Variants in PLCE1 observed in about 807,000 individuals in gnomAD.
PLCE1 encodes phospholipase C epsilon 1, also known as 1-phosphatidylinositol 4,5-bisphosphate phosphodiesterase epsilon-1.
A neutral mutation model predicts 242.8 loss-of-function variants in PLCE1; 119 were observed. The observed-to-expected ratio is 0.49, with a 90% CI of 0.42 to 0.57. The LOEUF is 0.57. Ranked by LOEUF, PLCE1 falls within the 20% of genes least tolerant of loss-of-function variation. The pLI, the probability that PLCE1 is intolerant of heterozygous loss-of-function variation, is 0.00. For synonymous variants in PLCE1, 945 were observed against 1,017.4 expected (o/e 0.93, Z 1.35); for missense variants, 2,441 against 2,788.8 (o/e 0.88, Z 2.81).
At position 94,332,428 on chromosome 10, in the gene PLCE1, A is replaced by C. The variant is rs1332394194; in HGVS notation, c.*4485A>C. 6.6e-6 allele frequency: 1 copy of C among 152,134 alleles called. No individual in the cohort carries two copies. The highest frequency in any genetic ancestry group is 1.5e-5 in the Non-Finnish European group (1 of 68,052). The allele number at this position is 152,134 out of a possible 1,614,324, so 9.4% of individuals were successfully genotyped here. On this transcript the variant is annotated 3_prime_UTR_variant, in exon 33 of 33. Transcript: ENST00000371380. Reference sequence around the variant, plus strand: ...AGTGCCAGCATAGTGCTAAACACACAGTAGGTGCTCATTATTTGTCTAGTT... The same window carrying C: ...AGTGCCAGCATAGTGCTAAACACACCGTAGGTGCTCATTATTTGTCTAGTT...
At chr10:94,018,198 G>A (rs567525953) in intron 1 of PLCE1, among the ~76,000 whole-genome samples, 23 of 152,268 alleles carry the variant, frequency 1.5e-4, no homozygotes, top group Non-Finnish European at 2.9e-4. Context: ...GAGGCAACTG[G>A]CTGCTTGAGG....
chr10:94,222,638 G>A (rs1326530532), intron 4 of PLCE1, among the ~76,000 whole-genome samples: 1 of 152,170 alleles, frequency 6.6e-6, no homozygotes, highest in African/African-American at 2.4e-5. Context: ...TCCTTTAGGG[G>A]GCCAGGGCGT....
At chr10:94,293,233 C>G (rs769392923) in intron 22 of PLCE1, among the ~76,000 whole-genome samples, 1 of 152,196 alleles carries the variant, frequency 6.6e-6, no homozygotes, top group Non-Finnish European at 1.5e-5. Context: ...TTTTCAAAAT[C>G]TTTCTGATGC....
chr10:93,996,843 G>T (rs2060833977), intron 1 of PLCE1, among the ~76,000 whole-genome samples: 1 of 152,174 alleles, frequency 6.6e-6, no homozygotes, highest in South Asian at 2.1e-4. Flanking sequence ...GTGCTTGATA[G>T]CTACATGCAG....
intron 5 of PLCE1, among the ~76,000 whole-genome samples, chr10:94,228,935 A>G (rs2050045662): frequency 6.6e-6 from 1 of 152,150 alleles, no homozygotes; most frequent in Non-Finnish European, 1.5e-5. Flanking sequence ...TAATCCCAGC[A>G]CTTTGGGAGG....
At chr10:94,170,326 C>T (rs1266592985) in intron 3 of PLCE1, among the ~76,000 whole-genome samples, 3 of 152,108 alleles carry the variant, frequency 2.0e-5, no homozygotes. Flanking sequence ...AGAGACTTTC[C>T]GTTTGTTGAA....
At chr10:94,326,057 G>A (rs1355985021) in intron 32 of PLCE1, among the ~76,000 whole-genome samples, 1 of 152,172 alleles carries the variant, frequency 6.6e-6, no homozygotes, top group African/African-American at 2.4e-5. Context: ...AAAAGCATGT[G>A]AGGGAACCAG....
At chr10:94,319,872 T>A (rs1412486632) in intron 29 of PLCE1, among the ~76,000 whole-genome samples, 2 of 131,174 alleles carry the variant, frequency 1.5e-5, no homozygotes, top group Non-Finnish European at 3.1e-5. Context: ...CTCTTTTTTT[T>A]TTTTTTTTTT....
At chr10:94,278,700 C>A (rs74231354) in intron 19 of PLCE1, among the ~76,000 whole-genome samples, 8,615 of 152,044 alleles carry the variant, frequency 0.057, 397 homozygotes, top group African/African-American at 0.13. Context: ...AGAACCCCTG[C>A]CATATTAACA....
Position 94,320,943 on chromosome 10 carries a change from A to C in PLCE1, c.6343-958A>C, listed in dbSNP as rs376895725. ...GCGAATAAGGTGGGAGAAGGAAAAA[A>C]GATGAGAATGGGAAAAGTTTGGTTT... On this transcript the variant is annotated intron_variant, in intron 29 of 32. Transcript: ENST00000371380. Among the ~76,000 whole-genome samples, 49 of 152,338 alleles carry C rather than the reference A, an allele frequency of 3.2e-4. No individual in the cohort carries two copies. In the South Asian group the frequency reaches 3.5e-3, roughly 11 times the overall value.
chr10:94,108,337 T>C (rs1161680168), intron 2 of PLCE1: 1 of 152,252 alleles, frequency 6.6e-6, no homozygotes, highest in African/African-American at 2.4e-5. Flanking sequence ...ACAGGTTCTG[T>C]GCTGTCACCG....
At chr10:93,997,234 GT>G (rs1302369148) in intron 1 of PLCE1, among the ~76,000 whole-genome samples, 1 of 152,150 alleles carries the variant, frequency 6.6e-6, no homozygotes, top group East Asian at 1.9e-4. Context: ...GTGACGTGAG[GT>G]TATGACAGTC....
chr10:94,033,721 GCC>G (rs2061608601), intron 2 of PLCE1, among the ~76,000 whole-genome samples: 2 of 152,010 alleles, frequency 1.3e-5, no homozygotes, highest in African/African-American at 2.4e-5. Flanking sequence ...AGTGCCATGT[GCC>G]ATCTTGGATT....
intron 1 of PLCE1, among the ~76,000 whole-genome samples, chr10:93,994,850 A>G (rs2060791290): frequency 6.6e-6 from 1 of 152,258 alleles, no homozygotes; most frequent in Non-Finnish European, 1.5e-5. Context: ...CAGCCGACTT[A>G]ACCAATTATT....
At chr10:94,280,214 C>A (rs117538346) in intron 20 of PLCE1, 3 of 412,900 alleles carry the variant, frequency 7.3e-6, no homozygotes, top group South Asian at 6.6e-5. Flanking sequence ...TAGTTTCTAG[C>A]GTGGCTGATA....
At chr10:94,246,690 C>A in intron 8 of PLCE1, 69 bp downstream of exon 8, 3 of 1,415,698 alleles carry the variant, frequency 2.1e-6, no homozygotes, top group Non-Finnish European at 2.9e-6. Context: ...GGTGACCAGA[C>A]CACCAGGTTC....
At chr10:94,273,382 T>G (rs1156885887) in intron 18 of PLCE1, among the ~76,000 whole-genome samples, 180 bp from the exon 19 acceptor site, 2 of 152,186 alleles carry the variant, frequency 1.3e-5, no homozygotes, top group Non-Finnish European at 2.9e-5. Flanking sequence ...CTCCCTTCCT[T>G]TCAGTAAGAA....
intron 2 of PLCE1, among the ~76,000 whole-genome samples, chr10:94,092,949 G>GA (rs1262624536): frequency 6.6e-6 from 1 of 152,140 alleles, no homozygotes; most frequent in Non-Finnish European, 1.5e-5. Context: ...GGTCTTTTCA[G>GA]AAAAATATAT....
At chr10:94,273,785 A>T in intron 19 of PLCE1, 65 bp downstream of exon 19, 1 of 1,405,290 alleles carries the variant, frequency 7.1e-7, no homozygotes, top group Middle Eastern at 1.8e-4. Flanking sequence ...AAATAACATC[A>T]TTCTAACCTT....
Sources: allele counts gnomAD v4.1 joint callset (sites outside exome capture counted in the v4.1 genomes callset), GRCh38; gene constraint gnomAD v4.1.1; transcripts MANE v1.5; gene names NCBI Gene and HGNC (gene_info 2026-07-23, HGNC 2026-07-21).